ZSCAN22: variants seen among roughly 807,000 people sequenced by gnomAD.
ZSCAN22 encodes the protein zinc finger and SCAN domain containing 22, also known as zinc finger and SCAN domain-containing protein 22.
A neutral mutation model predicts 12.4 loss-of-function variants in ZSCAN22; 7 were observed. The observed-to-expected ratio is 0.57, with a 90% CI of 0.32 to 1.06. ZSCAN22 has a LOEUF of 1.06. Among genes scored for constraint, ZSCAN22 ranks in the 50% least tolerant of loss-of-function variants. The pLI, the probability that ZSCAN22 is intolerant of heterozygous loss-of-function variation, is 0.04. For synonymous variants in ZSCAN22, 243 were observed against 255.9 expected (o/e 0.95, Z 0.48); for missense variants, 576 against 631.7 (o/e 0.91, Z 0.94).
In ZSCAN22 at chr19:58,334,902, G is replaced by A. The variant is rs762444086; in HGVS notation, c.100G>A (p.Gly34Ser). Reference sequence around the variant, plus strand: ...GGAAGAGGAAGCCAGCCTCTCCCAGGGCGGAGAATCCAGCCATGACCACAT... The same window carrying A: ...GGAAGAGGAAGCCAGCCTCTCCCAGAGCGGAGAATCCAGCCATGACCACAT... ...EEEEEASLSQ[G>S]GESSHDHIAH... Residue 34 changes from glycine (G) to serine (S), a missense_variant, in exon 2 of 3, where the codon GGC (glycine) becomes AGC (serine). Gly to Ser is a moderately conservative substitution (Grantham distance 56, BLOSUM62 0). Coordinates refer to ENST00000329665, the MANE Select transcript of ZSCAN22 (RefSeq NM_181846.3). 27 of 1,614,122 alleles carry A rather than the reference G, an allele frequency of 1.7e-5. No homozygotes were observed. Among genetic ancestry groups the A allele is most frequent in the Non-Finnish European group, 2.1e-5 (25 of 1,180,042 alleles).
At position 58,338,525 on chromosome 19, in the gene ZSCAN22, C is replaced by G. The variant is rs1265676985; in HGVS notation, c.675C>G (p.Ala225=). The G allele has an allele frequency of 6.2e-7, 1 of 1,614,182 alleles. No individual in the cohort carries two copies. The highest frequency in any genetic ancestry group is 8.5e-7 in the Non-Finnish European group (1 of 1,180,038). ...ACCAGCGTGGCCGTGAATCTGGTGC[C>G]TCGAGGAACAGTTCTAGTGCGTGGC... ...PTDQRGRESG[A]SRNSSSAWPN... Residue 225 remains alanine (A), a synonymous_variant, in exon 3 of 3, where the codon GCC becomes GCG. Coordinates refer to ENST00000329665, the MANE Select transcript of ZSCAN22 (RefSeq NM_181846.3). This position sits in a 1 kb window ranked among gnomAD's most constrained non-coding sequence, Gnocchi z 5.4.
Position 58,339,056 on chromosome 19 carries a change from C to T in ZSCAN22, c.1206C>T (p.His402=), listed in dbSNP as rs372028460. Residue 402 remains histidine (H), a synonymous_variant, in exon 3 of 3, where the codon CAC becomes CAT. Coordinates refer to ENST00000329665, the MANE Select transcript of ZSCAN22 (RefSeq NM_181846.3). The surrounding 1 kb of genome is among the most constrained non-coding windows in gnomAD (Gnocchi z 5.6). ...STHLTQHQRI[H]TGEKPYKCDA... ...ACCTGACTCAACACCAGCGCATCCA[C>T]ACCGGGGAGAAGCCCTACAAGTGTG... The T allele has an allele frequency of 1.6e-5, 26 of 1,614,090 alleles. No individual in the cohort carries two copies. The highest frequency in any genetic ancestry group is 2.7e-5 in the African/African-American group (2 of 74,946).
chr19:58,336,350 A>T (rs940567111), intron 2 of ZSCAN22, among the ~76,000 whole-genome samples: 3 of 152,146 alleles, frequency 2.0e-5, no homozygotes, highest in Admixed American at 6.5e-5. Flanking sequence ...GCCCAAGCAG[A>T]TGTCACAGAG....
chr19:58,332,022 C>A (rs891743807), intron 1 of ZSCAN22, among the ~76,000 whole-genome samples: 2 of 151,824 alleles, frequency 1.3e-5, no homozygotes, highest in African/African-American at 2.4e-5. Context: ...TACAGGCATG[C>A]ACCACCACGC....
intron 1 of ZSCAN22, among the ~76,000 whole-genome samples, chr19:58,328,612 A>G (rs2051684599): frequency 6.6e-6 from 1 of 152,178 alleles, no homozygotes; most frequent in African/African-American, 2.4e-5. Context: ...TGGTTGGTAA[A>G]GCAGCTGTGG....
At chr19:58,333,734 CT>C (rs2147985559) in intron 1 of ZSCAN22, among the ~76,000 whole-genome samples, 1 of 152,336 alleles carries the variant, frequency 6.6e-6, no homozygotes, top group South Asian at 2.1e-4. Flanking sequence ...GTTCCAGCTA[CT>C]TGGGAGGCTG....
chr19:58,331,303 A>G (rs1215372908), intron 1 of ZSCAN22, among the ~76,000 whole-genome samples: 2 of 138,658 alleles, frequency 1.4e-5, no homozygotes, highest in African/African-American at 5.5e-5. Flanking sequence ...TGCAACCTCC[A>G]CCTCCCGGGT....
intron 1 of ZSCAN22, among the ~76,000 whole-genome samples, chr19:58,330,339 T>C (rs562662820): frequency 2.0e-5 from 3 of 152,168 alleles, no homozygotes; most frequent in South Asian, 2.1e-4. Context: ...CCTCTGAATG[T>C]CGGTAGCACC....
Position 58,342,089 on chromosome 19 carries a change from C to A in ZSCAN22, c.*2763C>A, listed in dbSNP as rs940348573. ...TTGAGACATATCTGTCCATGTCTGT[C>A]TAAAAGGGGAGGAGATGAGGGAGAA... On this transcript the variant is annotated 3_prime_UTR_variant, in exon 3 of 3. Coordinates refer to ENST00000329665, the MANE Select transcript of ZSCAN22 (RefSeq NM_181846.3). The A allele has an allele frequency of 5.3e-5, 8 of 152,184 alleles. No homozygotes were observed. The highest frequency in any genetic ancestry group is 1.2e-4 in the Non-Finnish European group (8 of 68,058). 9.4% of individuals were successfully genotyped at this position (152,184 alleles called of 1,614,324 possible).
Position 58,338,656 on chromosome 19 carries a change from A to G in ZSCAN22, c.806A>G (p.Lys269Arg), listed in dbSNP as rs1375059384. The change falls in exon 3 of 3, where the codon AAG becomes AGG. Residue 269 changes from lysine to arginine, a missense_variant. Transcript: ENST00000329665. This position sits in a 1 kb window ranked among gnomAD's most constrained non-coding sequence, Gnocchi z 5.4. The part of the protein sequence containing the change: ...PYTYSGKRSS[K>R]CRECRKMFQS... ...ACCTACTCAGGGAAGAGGTCCTCCA[A>G]GTGTCGCGAGTGTAGGAAGATGTTC... The G allele has an allele frequency of 1.2e-6, 2 of 1,614,202 alleles. No individual in the cohort carries two copies.
intron 1 of ZSCAN22, among the ~76,000 whole-genome samples, chr19:58,334,303 T>C: frequency 6.6e-6 from 1 of 152,172 alleles, no homozygotes; most frequent in East Asian, 1.9e-4. Flanking sequence ...CCTGAGTTTG[T>C]TGTAAGTTTT....
Position 58,340,096 on chromosome 19 carries a change from A to T in ZSCAN22, c.*770A>T, listed in dbSNP as rs61460516. 6.6e-6 allele frequency: 1 copy of T among 152,018 alleles called. No individual in the cohort carries two copies. The highest frequency in any genetic ancestry group is 2.4e-5 in the African/African-American group (1 of 41,320). The allele number at this position is 152,018 out of a possible 1,614,324, so 9.4% of individuals were successfully genotyped here. On this transcript the variant is annotated 3_prime_UTR_variant, in exon 3 of 3. Coordinates refer to ENST00000329665, the MANE Select transcript of ZSCAN22 (RefSeq NM_181846.3). Reference sequence around the variant, plus strand: ...TATAGCCGGGGTCTCCTTCCTGACCACTTCCTGCCTTTATTCTCTGCCCCT... The same window carrying T: ...TATAGCCGGGGTCTCCTTCCTGACCTCTTCCTGCCTTTATTCTCTGCCCCT...
At position 58,327,004 on chromosome 19, in the gene ZSCAN22, C is replaced by A. The variant is rs555773035; in HGVS notation, c.-162C>A. 1.3e-5 allele frequency: 2 copies of A among 152,900 alleles called. No homozygotes were observed. The highest frequency in any genetic ancestry group is 6.5e-5 in the Admixed American group (1 of 15,294). The allele number at this position is 152,900 out of a possible 1,614,324, so 9.5% of individuals were successfully genotyped here. A position where few individuals can be genotyped will look rare whatever the true frequency, so the allele number is the denominator to read the frequency against. On this transcript the variant is annotated 5_prime_UTR_variant, in exon 1 of 3. Coordinates refer to ENST00000329665, the MANE Select transcript of ZSCAN22 (RefSeq NM_181846.3). ...AGGACGCCGGGAATTGTAGTCCTGG[C>A]GGGCGTGGGCCCTTGAGGTGTGCTG...
Position 58,335,971 on chromosome 19 carries a change from G to A in ZSCAN22, c.403+766G>A, listed in dbSNP as rs916512255. On this transcript the variant is annotated intron_variant, in intron 2 of 2. Transcript: ENST00000329665. The surrounding 1 kb of genome is among the most constrained non-coding windows in gnomAD (Gnocchi z 4.1). ...AATCCAGAGCAGGGAGTGGTGGCTC[G>A]TCTCAGATGGGCTTGGCCTGGCCTA... 7.2e-5 allele frequency among the ~76,000 whole-genome samples: 11 copies of A among 152,190 alleles called. No homozygotes were observed. Among genetic ancestry groups the A allele is most frequent in the Admixed American group, 1.3e-4 (2 of 15,284 alleles).
chr19:58,331,596 G>A (rs1481381955), intron 1 of ZSCAN22, among the ~76,000 whole-genome samples: 2 of 149,040 alleles, frequency 1.3e-5, no homozygotes, highest in Non-Finnish European at 3.0e-5. Flanking sequence ...CCAGGCTGGA[G>A]TGCAGTGGCG....
intron 1 of ZSCAN22, among the ~76,000 whole-genome samples, chr19:58,332,106 C>T (rs1309487819): frequency 1.3e-5 from 2 of 149,586 alleles, no homozygotes; most frequent in East Asian, 2.0e-4. Context: ...CTCCTGACCT[C>T]GTGATCTACT....
chr19:58,334,814 C>A lies in ZSCAN22; in HGVS notation c.12C>A (p.Pro4=). The A allele has an allele frequency of 6.2e-7, 1 of 1,602,062 alleles. No homozygotes were observed. The highest frequency in any genetic ancestry group is 1.1e-5 in the South Asian group (1 of 90,490). ...AGCACTGCTGCCCGATGGCCATCCC[C>A]AAGCACTCCCTGAGCCCAGTGCCGT... MAI[P]KHSLSPVPWE... Residue 4 remains proline, a synonymous_variant, in exon 2 of 3, where the codon CCC becomes CCA. Coordinates refer to ENST00000329665, the MANE Select transcript of ZSCAN22 (RefSeq NM_181846.3).
rs776836751 is a variant in ZSCAN22 at position 58,334,989 on chromosome 19, C to G, written c.187C>G (p.Pro63Ala). ...RHFRYEEASGPHEALAHLRAL... is the reference protein window; with the variant it reads ...RHFRYEEASGAHEALAHLRAL... Reference sequence around the variant, plus strand: ...CTTCCGCTATGAGGAGGCATCTGGTCCACACGAGGCCCTGGCCCACCTCCG... The same window carrying G: ...CTTCCGCTATGAGGAGGCATCTGGTGCACACGAGGCCCTGGCCCACCTCCG... The change falls in exon 2 of 3, where the codon CCA becomes GCA. Residue 63 changes from proline (P) to alanine (A), a missense_variant. Pro to Ala is a conservative substitution (Grantham distance 27). Transcript: ENST00000329665. 1 of 1,614,116 alleles carries G rather than the reference C, an allele frequency of 6.2e-7. No individual in the cohort carries two copies. Among genetic ancestry groups the G allele is most frequent in the South Asian group, 1.1e-5 (1 of 91,080 alleles).
chr19:58,327,016 C>G lies in ZSCAN22; in HGVS notation c.-150C>G. The G allele has an allele frequency of 6.5e-6, 1 of 152,912 alleles. No individual in the cohort carries two copies. Among genetic ancestry groups the G allele is most frequent in the Non-Finnish European group, 1.5e-5 (1 of 68,410 alleles). 9.5% of individuals were successfully genotyped at this position (152,912 alleles called of 1,614,324 possible). A position where few individuals can be genotyped will look rare whatever the true frequency, so the allele number is the denominator to read the frequency against. On this transcript the variant is annotated 5_prime_UTR_variant, in exon 1 of 3. Coordinates refer to ENST00000329665, the MANE Select transcript of ZSCAN22 (RefSeq NM_181846.3). ...ATTGTAGTCCTGGCGGGCGTGGGCC[C>G]TTGAGGTGTGCTGGGAGCTGTGGTC... is the stretch of plus-strand genomic sequence containing the variant.
Sources: allele counts gnomAD v4.1 joint callset (sites outside exome capture counted in the v4.1 genomes callset), GRCh38; gene constraint gnomAD v4.1.1; non-coding constraint Gnocchi (gnomAD v3.1); transcripts MANE v1.5; gene names NCBI Gene and HGNC (gene_info 2026-07-23, HGNC 2026-07-21).